ADAMTSL1: variants seen among roughly 807,000 people sequenced by gnomAD.
ADAMTSL1 encodes the protein ADAMTS-like protein 1.
A neutral mutation model predicts 201.8 loss-of-function variants in ADAMTSL1; 126 were observed. That is an observed-to-expected ratio of 0.62 (90% CI 0.54 to 0.72). The LOEUF is 0.72. Among genes scored for constraint, ADAMTSL1 ranks in the 30% least tolerant of loss-of-function variants. ADAMTSL1 has a pLI of 0.00. For missense variants in ADAMTSL1, 2,679 were observed against 2,277.8 expected, an observed-to-expected ratio of 1.18 and a Z score of -3.59; for synonymous variants, 1,121 against 903.4, an observed-to-expected ratio of 1.24 and a Z score of -4.32.
chr9:18,254,843 T>C (rs1036399446), intron 2 of ADAMTSL1, among the ~76,000 whole-genome samples: 4 of 152,170 alleles, frequency 2.6e-5, no homozygotes, highest in African/African-American at 9.7e-5. Flanking sequence ...TTTACTTTGT[T>C]AAACTTAAAT....
intron 1 of ADAMTSL1, among the ~76,000 whole-genome samples, chr9:18,126,078 G>A (rs1416589404): frequency 6.6e-6 from 1 of 152,160 alleles, no homozygotes; most frequent in Non-Finnish European, 1.5e-5. Flanking sequence ...CTCACATTCA[G>A]AATGAGTCTA....
Position 18,753,464 on chromosome 9 carries a change from CGCTTTAATTGCCCCCCA to C in ADAMTSL1, c.2176_2192del (p.Phe726LeufsTer21). 1.2e-6 allele frequency: 2 copies of C among 1,613,382 alleles called. No individual in the cohort carries two copies. Among genetic ancestry groups the C allele is most frequent in the Non-Finnish European group, 1.7e-6 (2 of 1,179,764 alleles). On this transcript the variant is annotated frameshift_variant, in exon 16 of 29. Transcript: ENST00000380548. LOFTEE classifies it high-confidence loss of function. The stretch of plus-strand genomic sequence containing the variant: ...GCCCAGCACGGTGCAAGCTTGTAAC[CGCTTTAATTGCCCCCCA>C]GCCTGGTACCCTGCACAGTGGCAGC...
intron 1 of ADAMTSL1, among the ~76,000 whole-genome samples, chr9:18,080,002 G>C (rs1823419848): frequency 6.6e-6 from 1 of 152,160 alleles, no homozygotes; most frequent in African/African-American, 2.4e-5. Flanking sequence ...GCTGAACAAA[G>C]AGGAAATGGT....
At chr9:18,104,755 A>G (rs1824684010) in intron 1 of ADAMTSL1, among the ~76,000 whole-genome samples, 1 of 152,176 alleles carries the variant, frequency 6.6e-6, no homozygotes, top group African/African-American at 2.4e-5. Context: ...TTAAATAACA[A>G]TAATTTTAAA....
At chr9:18,498,176 T>A (rs1423506866) in intron 1 of ADAMTSL1, among the ~76,000 whole-genome samples, 1 of 151,912 alleles carries the variant, frequency 6.6e-6, no homozygotes, top group Non-Finnish European at 1.5e-5. Flanking sequence ...TACTAGATAT[T>A]AACTATGTGA....
At chr9:18,310,552 C>T (rs1041474596) in intron 2 of ADAMTSL1, among the ~76,000 whole-genome samples, 2 of 152,016 alleles carry the variant, frequency 1.3e-5, no homozygotes, top group African/African-American at 4.8e-5. Flanking sequence ...AGGATATGAA[C>T]AGACACTTCT....
At chr9:18,190,330 T>A (rs1039121487) in intron 2 of ADAMTSL1, among the ~76,000 whole-genome samples, 1 of 152,220 alleles carries the variant, frequency 6.6e-6, no homozygotes, top group Admixed American at 6.5e-5. Flanking sequence ...CTCTTTTTAA[T>A]CCTTGACCAT....
intron 2 of ADAMTSL1, among the ~76,000 whole-genome samples, chr9:18,461,911 G>A (rs759669674): frequency 3.9e-5 from 6 of 152,010 alleles, no homozygotes; most frequent in South Asian, 2.1e-4. Flanking sequence ...TCCCCTTGCC[G>A]CATATACTAA....
chr9:18,576,870 A>T (rs1822769327), intron 4 of ADAMTSL1, among the ~76,000 whole-genome samples: 1 of 151,916 alleles, frequency 6.6e-6, no homozygotes, highest in South Asian at 2.1e-4. Context: ...AGACATCATT[A>T]TCCTTATTTC....
chr9:17,969,155 A>G (rs1273542671), intron 1 of ADAMTSL1, among the ~76,000 whole-genome samples: 2 of 152,064 alleles, frequency 1.3e-5, no homozygotes, highest in East Asian at 1.9e-4. Flanking sequence ...CACTAACTGC[A>G]TAAAAATCAA....
chr9:18,115,839 C>G (rs1825227272), intron 1 of ADAMTSL1, among the ~76,000 whole-genome samples: 2 of 152,122 alleles, frequency 1.3e-5, no homozygotes, highest in Non-Finnish European at 2.9e-5. Context: ...AGTCTGGCTA[C>G]AAAGTTTATG....
At chr9:17,966,647 T>A (rs1320289685) in intron 1 of ADAMTSL1, among the ~76,000 whole-genome samples, 2 of 152,182 alleles carry the variant, frequency 1.3e-5, no homozygotes, top group African/African-American at 4.8e-5. Context: ...GATTTCCCCT[T>A]CATCTCTTTA....
At chr9:18,563,495 A>G (rs1330630187) in intron 3 of ADAMTSL1, among the ~76,000 whole-genome samples, 1 of 152,140 alleles carries the variant, frequency 6.6e-6, no homozygotes, top group Non-Finnish European at 1.5e-5. Context: ...GGGGTTAGGG[A>G]CCCACTTCAC....
chr9:18,092,937 T>C (rs1459217791), intron 1 of ADAMTSL1, among the ~76,000 whole-genome samples: 1 of 152,196 alleles, frequency 6.6e-6, no homozygotes, highest in Non-Finnish European at 1.5e-5. Context: ...TAGGAATATC[T>C]GGGAAGCTGA....
chr9:18,028,022 A>G (rs1432347646), intron 1 of ADAMTSL1, among the ~76,000 whole-genome samples: 1 of 152,068 alleles, frequency 6.6e-6, no homozygotes, highest in Non-Finnish European at 1.5e-5. Flanking sequence ...ATCTGATACA[A>G]GAATAGTGAC....
intron 23 of ADAMTSL1, among the ~76,000 whole-genome samples, chr9:18,878,215 G>A (rs1828291564): frequency 6.6e-6 from 1 of 152,208 alleles, no homozygotes. Context: ...GAGAAAGCAA[G>A]CAGCGCTTTC....
chr9:18,196,335 C>T (rs1242570471), intron 2 of ADAMTSL1, among the ~76,000 whole-genome samples: 1 of 151,846 alleles, frequency 6.6e-6, no homozygotes, highest in Admixed American at 6.6e-5. Flanking sequence ...GTGTTTATTC[C>T]TTACCTCATC....
chr9:18,593,939 C>T (rs989721287), intron 4 of ADAMTSL1, among the ~76,000 whole-genome samples: 5 of 152,028 alleles, frequency 3.3e-5, no homozygotes, highest in Admixed American at 1.3e-4. Flanking sequence ...GTCTTTAGTA[C>T]AGATTAAGTC....
chr9:18,114,557 A>G (rs998821885), intron 1 of ADAMTSL1, among the ~76,000 whole-genome samples: 21 of 152,172 alleles, frequency 1.4e-4, no homozygotes, highest in African/African-American at 4.6e-4. Context: ...GGATTCCCCC[A>G]TAAAGACTGT....
Sources: gnomAD v4.1 joint callset for allele counts (sites outside exome capture counted in the v4.1 genomes callset) on GRCh38, gnomAD v4.1.1 for gene constraint, MANE v1.5 for transcripts, NCBI Gene and HGNC (gene_info 2026-07-23, HGNC 2026-07-21) for gene names.